THOC7: variants seen among roughly 807,000 people sequenced by gnomAD.
The protein encoded by THOC7 is NIF3L1-binding protein 1.
A neutral mutation model predicts 33.1 loss-of-function variants in THOC7; 22 were observed. The ratio of observed to expected loss-of-function variants is 0.66; its 90% CI spans 0.47 to 0.95. THOC7 has a LOEUF of 0.95. THOC7 is among the 40% of genes least tolerant of loss of function. The pLI is 0.00. For synonymous variants in THOC7, 77 were observed against 76.8 expected (o/e 1.00, Z -0.01); for missense variants, 184 against 245.3 (o/e 0.75, Z 1.67).
At chr3:63,860,593 G>A (rs1426475458) in intron 1 of THOC7, 2 of 152,088 alleles carry the variant, frequency 1.3e-5, no homozygotes, top group African/African-American at 2.4e-5. Context: ...GAGCAGACGA[G>A]GTCCTGCCTC....
intron 1 of THOC7, chr3:63,863,133 TCC>T (rs1702268807): frequency 6.6e-6 from 1 of 152,498 alleles, no homozygotes; most frequent in African/African-American, 2.4e-5. Flanking sequence ...AATTCCCTGC[TCC>T]TCCTTCTCAC....
chr3:63,835,244 T>A (rs1247981296), intron 6 of THOC7, 21 bp from the exon 7 acceptor site: 3 of 1,613,094 alleles, frequency 1.9e-6, no homozygotes, highest in Non-Finnish European at 2.5e-6. Flanking sequence ...AAGAAAAAAA[T>A]TTATACAAAT....
chr3:63,864,271 C>G (rs1366362862), upstream of THOC7, among the ~76,000 whole-genome samples: 1 of 151,356 alleles, frequency 6.6e-6, no homozygotes, highest in African/African-American at 2.4e-5. Context: ...CCCGCCGCCC[C>G]ATCCAGGGTG....
intron 1 of THOC7, among the ~76,000 whole-genome samples, chr3:63,855,635 A>T (rs537770772): frequency 3.6e-4 from 55 of 152,370 alleles, no homozygotes; most frequent in Admixed American, 9.1e-4. Context: ...TATATTTGCC[A>T]TTAAAACCTT....
intron 1 of THOC7, among the ~76,000 whole-genome samples, chr3:63,855,310 A>G (rs140713860): frequency 6.3e-4 from 96 of 152,370 alleles, no homozygotes; most frequent in African/African-American, 1.8e-3. Flanking sequence ...AAAATCAGTA[A>G]TGACACATTT....
chr3:63,862,256 A>G (rs1470009036), intron 1 of THOC7, among the ~76,000 whole-genome samples: 1 of 152,238 alleles, frequency 6.6e-6, no homozygotes, highest in African/African-American at 2.4e-5. Context: ...ACAAGTGGCT[A>G]CCAACCCAGA....
At chr3:63,840,535 G>A (rs902031956) in intron 1 of THOC7, among the ~76,000 whole-genome samples, 10 of 152,248 alleles carry the variant, frequency 6.6e-5, no homozygotes, top group Middle Eastern at 3.4e-3. Flanking sequence ...AGGCTGCATT[G>A]AGCCATGATC....
At chr3:63,863,849 G>T, upstream of THOC7, 4 of 1,218,906 alleles carry the variant, frequency 3.3e-6, no homozygotes, top group Non-Finnish European at 4.1e-6. Context: ...GGTTGGCGGC[G>T]GCGGAGGTCA....
At chr3:63,853,611 G>A (rs562162762) in intron 1 of THOC7, among the ~76,000 whole-genome samples, 5 of 152,294 alleles carry the variant, frequency 3.3e-5, no homozygotes, top group African/African-American at 1.2e-4. Context: ...TTATGTTTAT[G>A]TTAAATTTAA....
At chr3:63,862,001 G>A (rs1702231409) in intron 1 of THOC7, among the ~76,000 whole-genome samples, 1 of 152,004 alleles carries the variant, frequency 6.6e-6, no homozygotes, top group African/African-American at 2.4e-5. Flanking sequence ...ATGTTTTCCA[G>A]GCTGGTCTTG....
rs1447201880 is a variant in THOC7, at chr3:63,838,446, A to G, written c.191T>C (p.Met64Thr). The change falls in exon 3 of 8, where the codon ATG becomes ACG. Residue 64 changes from methionine (M) to threonine (T), a missense_variant. Physicochemically the swap from Met to Thr is moderately conservative, Grantham distance 81. Around this residue, in one of 3 missense-constraint regions of THOC7, gnomAD observed 157 missense variants for 201.3 expected, o/e 0.78. Coordinates refer to ENST00000295899, the MANE Select transcript of THOC7 (RefSeq NM_025075.4). ...LSTLSQCEFS[M>T]GKTLLVYDMN... Reference sequence around the variant, plus strand: ...ATCATATACTAGTAAAGTTTTGCCCATTGAAAATTCACATTGAGACAGCGT... The same window carrying G: ...ATCATATACTAGTAAAGTTTTGCCCGTTGAAAATTCACATTGAGACAGCGT... 1 of 1,610,504 alleles carries G rather than the reference A, an allele frequency of 6.2e-7. No homozygotes were observed. Among genetic ancestry groups the G allele is most frequent in the South Asian group, 1.1e-5 (1 of 90,322 alleles).
chr3:63,835,076 T>G (rs1701601702), intron 7 of THOC7, 78 bp downstream of exon 7: 1 of 1,386,580 alleles, frequency 7.2e-7, no homozygotes. Context: ...CTCTCCAAGA[T>G]GTATATTTCA....
chr3:63,855,354 GAT>G (rs1253980641), intron 1 of THOC7, among the ~76,000 whole-genome samples: 1 of 152,052 alleles, frequency 6.6e-6, no homozygotes, highest in East Asian at 1.9e-4. Flanking sequence ...TGCAAAATGG[GAT>G]ACATATATGC....
chr3:63,838,102 T>C, intron 3 of THOC7, 40 bp from the exon 4 acceptor site: 1 of 1,505,612 alleles, frequency 6.6e-7, no homozygotes, highest in Non-Finnish European at 9.0e-7. Flanking sequence ...TGTAACAAAA[T>C]CAATAATCCA....
chr3:63,838,033 T>C lies in THOC7; in HGVS notation c.295A>G (p.Ile99Val). The change falls in exon 4 of 8, where the codon ATT becomes GTT. Residue 99 changes from isoleucine (I) to valine (V), a missense_variant. Around this residue, in one of 3 missense-constraint regions of THOC7, gnomAD observed 157 missense variants for 201.3 expected, o/e 0.78. Coordinates refer to ENST00000295899, the MANE Select transcript of THOC7 (RefSeq NM_025075.4). ...ECSIAGAHEK[I>V]AECKKQILQA... ...AGAATTTGCTTTTTGCACTCAGCAA[T>C]TTTTTCATGTGCTCCAGCTATGCTA... 1 of 1,609,594 alleles carries C rather than the reference T, an allele frequency of 6.2e-7. No homozygotes were observed.
chr3:63,851,136 C>T (rs754723252), intron 1 of THOC7, among the ~76,000 whole-genome samples: 1 of 152,204 alleles, frequency 6.6e-6, no homozygotes, highest in Non-Finnish European at 1.5e-5. Context: ...AGTAGTCTCC[C>T]TGGTGTACTG....
intron 5 of THOC7, 74 bp from the exon 6 acceptor site, chr3:63,835,464 G>T (rs1479896861): frequency 1.5e-6 from 2 of 1,337,586 alleles, no homozygotes; most frequent in African/African-American, 1.5e-5. Context: ...TAACTTTTAA[G>T]TTACTAGATA....
intron 1 of THOC7, chr3:63,845,210 T>C (rs552427302): frequency 4.2e-6 from 2 of 475,852 alleles, no homozygotes; most frequent in African/African-American, 3.8e-5. Context: ...TCTTTGGCTT[T>C]GGGGGTATCA....
intron 1 of THOC7, 39 bp from the exon 2 acceptor site, chr3:63,839,812 G>C (rs143457856): frequency 1.9e-6 from 3 of 1,560,778 alleles, no homozygotes; most frequent in Non-Finnish European, 2.6e-6. Flanking sequence ...CTGGCTCTTG[G>C]TAACTTTCAA....
Sources: gnomAD v4.1 joint callset for allele counts (sites outside exome capture counted in the v4.1 genomes callset) on GRCh38, gnomAD v4.1.1 for gene constraint, gnomAD v4.1.1 regional missense constraint, MANE v1.5 for transcripts, NCBI Gene and HGNC (gene_info 2026-07-23, HGNC 2026-07-21) for gene names.